IQCH: variants seen among roughly 807,000 people sequenced by gnomAD.
IQCH encodes the protein IQ domain-containing protein H.
IQCH carries 98 observed loss-of-function variants against 117.0 expected under a neutral mutation model. The ratio of observed to expected loss-of-function variants is 0.84; its 90% CI spans 0.71 to 0.99. The LOEUF (loss-of-function observed/expected upper bound fraction) is 0.99. Ranked by LOEUF, IQCH falls within the 50% of genes least tolerant of loss-of-function variation. The probability of loss-of-function intolerance (pLI) is 0.00; values close to 1 mark genes in which losing one functional copy is unlikely to be tolerated. For missense variants in IQCH, 1,102 were observed against 1,243.8 expected (o/e 0.89, Z 1.72); for synonymous variants, 412 against 448.2 (o/e 0.92, Z 1.02).
intron 8 of IQCH, among the ~76,000 whole-genome samples, chr15:67,363,199 C>T (rs1347144385): frequency 6.6e-6 from 1 of 151,544 alleles, no homozygotes; most frequent in East Asian, 1.9e-4. Context: ...AAACAAACAA[C>T]CCCTGTGGAA....
chr15:67,415,902 A>T (rs770238274), intron 14 of IQCH, among the ~76,000 whole-genome samples: 5 of 152,032 alleles, frequency 3.3e-5, no homozygotes, highest in East Asian at 1.9e-4. Flanking sequence ...AAAAAATAAA[A>T]TTTTTTTAGA....
intron 4 of IQCH, among the ~76,000 whole-genome samples, chr15:67,298,617 G>A (rs1383608886): frequency 1.3e-5 from 2 of 152,106 alleles, no homozygotes; most frequent in Non-Finnish European, 2.9e-5. Context: ...TGTAATTCCA[G>A]CACGTTGGGA....
rs1015008701 is a variant in IQCH, at chr15:67,358,931, C to A, written c.715-916C>A. ...TTATGTAGCAGCATGTCATGTGACA[C>A]CCCAGTTGCCATGGCAAATATTTGT... On this transcript the variant is annotated intron_variant, in intron 7 of 20. Coordinates refer to ENST00000335894, the MANE Select transcript of IQCH (RefSeq NM_001031715.3). Among the ~76,000 whole-genome samples the A allele has an allele frequency of 2.0e-5, 3 of 152,174 alleles. No homozygotes were observed. In the South Asian group the frequency reaches 6.2e-4, roughly 32 times the overall value.
intron 8 of IQCH, chr15:67,371,627 T>G (rs1970537041): frequency 1.3e-6 from 1 of 774,392 alleles, no homozygotes; most frequent in Non-Finnish European, 2.1e-6. Context: ...AAAGTGATGA[T>G]CTTTTATGAA....
At position 67,427,882 on chromosome 15, in the gene IQCH, G is replaced by A. The variant is rs1010371284; in HGVS notation, c.2505+6305G>A. The stretch of plus-strand genomic sequence containing the variant: ...CTCCCTGTGTTGCCCAGGCTGGAGT[G>A]CAGTGGCATGATCTTGCTTCACTGT... On this transcript the variant is annotated intron_variant, in intron 16 of 20. Coordinates refer to ENST00000335894, the MANE Select transcript of IQCH (RefSeq NM_001031715.3). The surrounding 1 kb of genome is among the most constrained non-coding windows in gnomAD (Gnocchi z 4.7). Among the ~76,000 whole-genome samples, 1 of 149,922 alleles carries A rather than the reference G, an allele frequency of 6.7e-6. No individual in the cohort carries two copies.
At chr15:67,372,697 T>C (rs759547755) in intron 9 of IQCH, 35 bp downstream of exon 9, 2 of 1,532,294 alleles carry the variant, frequency 1.3e-6, no homozygotes, top group Non-Finnish European at 1.8e-6. Flanking sequence ...GGCAGACCTC[T>C]TTTTCTAAAC....
chr15:67,444,380 G>A (rs2082347165), intron 16 of IQCH, among the ~76,000 whole-genome samples: 1 of 152,136 alleles, frequency 6.6e-6, no homozygotes, highest in African/African-American at 2.4e-5. Flanking sequence ...GTGGATTCAC[G>A]GGATGGAAAC....
rs142100170 is a variant in IQCH at position 67,417,006 on chromosome 15, C to T, written c.2173C>T (p.Arg725Trp). The T allele has an allele frequency of 1.4e-3, 2,217 of 1,610,726 alleles. 5 individuals are homozygous for T. The highest frequency in any genetic ancestry group is 1.8e-3 in the Non-Finnish European group (2,065 of 1,178,446). Residue 725 changes from arginine to tryptophan, a missense_variant, in exon 15 of 21, where the codon CGG (arginine) becomes TGG (tryptophan). By Grantham distance (101) the Arg-to-Trp change is moderately radical (BLOSUM62 -3). Transcript: ENST00000335894. The surrounding 1 kb of genome is among the most constrained non-coding windows in gnomAD (Gnocchi z 4.3). ...AQHAQPVNEK[R>W]FPTWRKFLQT... ...GCACGCACAGCCAGTCAATGAGAAA[C>T]GGTTCCCGACGTGGAGGAAATTCCT...
At chr15:67,317,474 G>T (rs1001951370) in intron 4 of IQCH, among the ~76,000 whole-genome samples, 3 of 152,272 alleles carry the variant, frequency 2.0e-5, no homozygotes, top group African/African-American at 7.2e-5. Flanking sequence ...CAAAGTGCTG[G>T]TATTACAAGT....
chr15:67,413,109 A>C lies in IQCH; in HGVS notation c.2098-3822A>C, dbSNP rs181593309. ...TGTGTGTGTGTGTGTGTCTGTGTGT[A>C]CATAAGTTTGTTTTGAACAAAATAA... On this transcript the variant is annotated intron_variant, in intron 14 of 20. Transcript: ENST00000335894. The surrounding 1 kb of genome is among the most constrained non-coding windows in gnomAD (Gnocchi z 5.0). Among the ~76,000 whole-genome samples, 1 of 150,998 alleles carries C rather than the reference A, an allele frequency of 6.6e-6. No homozygotes were observed. Among genetic ancestry groups the C allele is most frequent in the East Asian group, 1.9e-4 (1 of 5,148 alleles).
intron 8 of IQCH, among the ~76,000 whole-genome samples, chr15:67,367,834 T>A (rs924724988): frequency 1.3e-5 from 2 of 152,134 alleles, no homozygotes; most frequent in Non-Finnish European, 2.9e-5. Context: ...TTATTCTCCT[T>A]CCTTTGGTTA....
rs762664265 is a variant in IQCH, at chr15:67,424,840, A to G, written c.2505+3263A>G. Among the ~76,000 whole-genome samples, 4 of 152,246 alleles carry G rather than the reference A, an allele frequency of 2.6e-5. No individual in the cohort carries two copies. Among genetic ancestry groups the G allele is most frequent in the Non-Finnish European group, 4.4e-5 (3 of 68,036 alleles). On this transcript the variant is annotated intron_variant, in intron 16 of 20. Coordinates refer to ENST00000335894, the MANE Select transcript of IQCH (RefSeq NM_001031715.3). The surrounding 1 kb of genome is among the most constrained non-coding windows in gnomAD (Gnocchi z 4.9). Reference sequence around the variant, plus strand: ...CCACACCAAAGGGTGTTTCTGCATTAGCAAGAGAAGTATGTTTGTTCTCTG... The same window carrying G: ...CCACACCAAAGGGTGTTTCTGCATTGGCAAGAGAAGTATGTTTGTTCTCTG...
At chr15:67,451,331 G>C (rs1167532917) in intron 16 of IQCH, among the ~76,000 whole-genome samples, 2 of 151,884 alleles carry the variant, frequency 1.3e-5, no homozygotes, top group Non-Finnish European at 2.9e-5. Context: ...GTCAATTTTA[G>C]ATCTTTCCTG....
rs770380196 is a variant in IQCH at position 67,427,403 on chromosome 15, A to T, written c.2505+5826A>T. 6.6e-6 allele frequency among the ~76,000 whole-genome samples: 1 copy of T among 151,880 alleles called. No homozygotes were observed. The highest frequency in any genetic ancestry group is 1.5e-5 in the Non-Finnish European group (1 of 67,992). Reference sequence around the variant, plus strand: ...TTTTTCTTTTCTTTTTTTTGTAGAGATAGGGTCTCACTATGTTGCCCAGGC... The same window carrying T: ...TTTTTCTTTTCTTTTTTTTGTAGAGTTAGGGTCTCACTATGTTGCCCAGGC... On this transcript the variant is annotated intron_variant, in intron 16 of 20. Coordinates refer to ENST00000335894, the MANE Select transcript of IQCH (RefSeq NM_001031715.3). The surrounding 1 kb of genome is among the most constrained non-coding windows in gnomAD (Gnocchi z 4.7).
At chr15:67,477,489 G>A (rs943256820) in intron 18 of IQCH, among the ~76,000 whole-genome samples, 2 of 152,136 alleles carry the variant, frequency 1.3e-5, no homozygotes, top group African/African-American at 4.8e-5. Context: ...AGATGAATTC[G>A]TGCTGTTTGC....
intron 14 of IQCH, among the ~76,000 whole-genome samples, chr15:67,415,035 C>T (rs2081542875): frequency 6.6e-6 from 1 of 152,072 alleles, no homozygotes; most frequent in African/African-American, 2.4e-5. Context: ...GACAGTTGGT[C>T]TTCCTTGATA....
At chr15:67,312,109 A>C (rs887997051) in intron 4 of IQCH, among the ~76,000 whole-genome samples, 2 of 152,142 alleles carry the variant, frequency 1.3e-5, no homozygotes, top group Admixed American at 6.6e-5. Flanking sequence ...TAGTGTTTCT[A>C]ACCTCAAAAT....
chr15:67,499,462 G>A (rs1382705800), intron 20 of IQCH, among the ~76,000 whole-genome samples: 1 of 151,996 alleles, frequency 6.6e-6, no homozygotes, highest in Non-Finnish European at 1.5e-5. Flanking sequence ...AACAAGTGTT[G>A]GTGAGGATAC....
In IQCH at chr15:67,342,846, G is replaced by A. The variant is rs555060149; in HGVS notation, c.509-1217G>A. On this transcript the variant is annotated intron_variant, in intron 5 of 20. Transcript: ENST00000335894. The surrounding 1 kb of genome is among the most constrained non-coding windows in gnomAD (Gnocchi z 4.7). ...ATTCTAGTGGTTCTCTAACTTCAGC[G>A]CACATGAATATCTCCTGGAGCCTTC... Among the ~76,000 whole-genome samples the A allele has an allele frequency of 7.9e-5, 12 of 152,134 alleles. No homozygotes were observed. Among genetic ancestry groups the A allele is most frequent in the East Asian group, 7.7e-4 (4 of 5,180 alleles).
Sources: gnomAD v4.1 joint callset for allele counts (sites outside exome capture counted in the v4.1 genomes callset) on GRCh38, gnomAD v4.1.1 for gene constraint, Gnocchi (gnomAD v3.1) non-coding constraint, MANE v1.5 for transcripts, NCBI Gene and HGNC (gene_info 2026-07-23, HGNC 2026-07-21) for gene names.